Variants in ADAMTS5 observed in about 807,000 individuals in gnomAD.
ADAMTS5 encodes the protein A disintegrin and metalloproteinase with thrombospondin motifs 5.
ADAMTS5 carries 54 observed loss-of-function variants against 81.4 expected under a neutral mutation model. The ratio of observed to expected loss-of-function variants is 0.66; its 90% CI spans 0.53 to 0.83. ADAMTS5 has a LOEUF of 0.83. Among genes scored for constraint, ADAMTS5 ranks in the 40% least tolerant of loss-of-function variants. The probability of loss-of-function intolerance (pLI) is 0.00; values close to 1 mark genes in which losing one functional copy is unlikely to be tolerated. For missense variants in ADAMTS5, 1,194 were observed against 1,229.9 expected (o/e 0.97, Z 0.44); for synonymous variants, 532 against 508.8 (o/e 1.05, Z -0.61).
chr21:26,964,616 A>G (rs1987600453), intron 1 of ADAMTS5, among the ~76,000 whole-genome samples: 1 of 152,108 alleles, frequency 6.6e-6, no homozygotes, highest in Admixed American at 6.5e-5. Flanking sequence ...TTGTTAAGGA[A>G]CCTCACAAGT....
chr21:26,920,663 T>C lies in ADAMTS5; in HGVS notation c.*3390A>G, dbSNP rs901479476. On this transcript the variant is annotated 3_prime_UTR_variant, in exon 8 of 8. Transcript: ENST00000284987. ...TCGATGAAGTGAAAGGATCTGATTATTGGCTGTGTCTTAGCGTCTGTAGGA... is the reference window on the plus strand; with the variant it reads ...TCGATGAAGTGAAAGGATCTGATTACTGGCTGTGTCTTAGCGTCTGTAGGA... 1 of 152,138 alleles carries C rather than the reference T, an allele frequency of 6.6e-6. No homozygotes were observed. Among genetic ancestry groups the C allele is most frequent in the African/African-American group, 2.4e-5 (1 of 41,456 alleles). The allele number at this position is 152,138 out of a possible 1,614,324, so 9.4% of individuals were successfully genotyped here.
At chr21:26,937,361 T>C (rs1214892256) in intron 3 of ADAMTS5, among the ~76,000 whole-genome samples, 1 of 152,240 alleles carries the variant, frequency 6.6e-6, no homozygotes, top group Non-Finnish European at 1.5e-5. Context: ...AGGTCATACA[T>C]GTGGAGATGA....
chr21:26,940,898 T>C (rs1056858577), intron 3 of ADAMTS5, among the ~76,000 whole-genome samples: 1 of 152,154 alleles, frequency 6.6e-6, no homozygotes, highest in Non-Finnish European at 1.5e-5. Flanking sequence ...TACATTGACT[T>C]AAGTGAGCTT....
At chr21:26,943,944 A>G (rs1175725626) in intron 2 of ADAMTS5, among the ~76,000 whole-genome samples, 10 of 152,156 alleles carry the variant, frequency 6.6e-5, no homozygotes, top group Admixed American at 6.6e-4. Context: ...CATGAGATCA[A>G]AGTGCATTTG....
rs568938926 is a variant in ADAMTS5 at position 26,947,728 on chromosome 21, C to T, written c.1238-4181G>A. 4.7e-4 allele frequency among the ~76,000 whole-genome samples: 71 copies of T among 152,252 alleles called. 2 individuals carry two copies. The East Asian group carries it at 0.011, about 24-fold the overall frequency. On this transcript the variant is annotated intron_variant, in intron 2 of 7. Transcript: ENST00000284987. Reference sequence around the variant, plus strand: ...GGGATTACAGGTGTGAACCACTGCGCCCGATCAGAACTGTATTTCGCTGTT... The same window carrying T: ...GGGATTACAGGTGTGAACCACTGCGTCCGATCAGAACTGTATTTCGCTGTT...
Position 26,966,520 on chromosome 21 carries a change from A to C in ADAMTS5, c.-129T>G. On this transcript the variant is annotated 5_prime_UTR_variant, in exon 1 of 8. Transcript: ENST00000284987. ...CTTGCAGGATTGAGTCAAGTGTCGG[A>C]GGGAGGGGGGCCCGGCAGCAGCGCC... The C allele has an allele frequency of 1.2e-6, 1 of 868,946 alleles. No homozygotes were observed. Among genetic ancestry groups the C allele is most frequent in the Non-Finnish European group, 1.6e-6 (1 of 644,836 alleles). The allele number at this position is 868,946 out of a possible 1,614,324, so 53.8% of individuals were successfully genotyped here.
chr21:26,942,762 G>A (rs1036548548), intron 3 of ADAMTS5, among the ~76,000 whole-genome samples: 3 of 152,104 alleles, frequency 2.0e-5, no homozygotes. Flanking sequence ...TATATTTGAA[G>A]GATAAAGCCA....
In ADAMTS5 at chr21:26,966,484, A is replaced by C; in HGVS notation, c.-93T>G. On this transcript the variant is annotated 5_prime_UTR_variant, in exon 1 of 8. Coordinates refer to ENST00000284987, the MANE Select transcript of ADAMTS5 (RefSeq NM_007038.5). ...TTAACGGGGCGGGGGATGGGGACAC[A>C]CACACACTTGCTTGCAGGATTGAGT... 1.6e-6 allele frequency: 2 copies of C among 1,255,800 alleles called. No individual in the cohort carries two copies. The highest frequency in any genetic ancestry group is 2.1e-6 in the Non-Finnish European group (2 of 969,930). The allele number at this position is 1,255,800 out of a possible 1,614,324, so 77.8% of individuals were successfully genotyped here. A position where few individuals can be genotyped will look rare whatever the true frequency, so the allele number is the denominator to read the frequency against.
Position 26,965,877 on chromosome 21 carries a change from G to A in ADAMTS5, c.515C>T (p.Pro172Leu), listed in dbSNP as rs766001060. The A allele has an allele frequency of 8.7e-6, 14 of 1,613,804 alleles. No homozygotes were observed. The highest frequency in any genetic ancestry group is 1.6e-4 in the Middle Eastern group (1 of 6,062). ...GCGCCCCTTTTCTTCCTCCGCCCAGGGTCCGCGCAGCAGTGGCTTTAGGGT... is the reference window on the plus strand; with the variant it reads ...GCGCCCCTTTTCTTCCTCCGCCCAGAGTCCGCGCAGCAGTGGCTTTAGGGT... ...RYTLKPLLRG[P>L]WAEEEKGRVY... The change falls in exon 1 of 8, where the codon CCC becomes CTC. Residue 172 changes from proline to leucine, a missense_variant. Physicochemically the swap from Pro to Leu is moderately conservative, Grantham distance 98 (BLOSUM62 -3). Transcript: ENST00000284987.
rs1267929219 is a variant in ADAMTS5, at chr21:26,918,525, A to C, written c.*5528T>G. On this transcript the variant is annotated 3_prime_UTR_variant, in exon 8 of 8. Coordinates refer to ENST00000284987, the MANE Select transcript of ADAMTS5 (RefSeq NM_007038.5). ...TATGATTTCCTCTGACTAATAGGTC[A>C]TACAAATACGTAAGTAGTGTTTTTC... The C allele has an allele frequency of 6.6e-6, 1 of 152,106 alleles. No individual in the cohort carries two copies. The highest frequency in any genetic ancestry group is 1.5e-5 in the Non-Finnish European group (1 of 67,960). 9.4% of individuals were successfully genotyped at this position (152,106 alleles called of 1,614,324 possible). A position where few individuals can be genotyped will look rare whatever the true frequency, so the allele number is the denominator to read the frequency against.
chr21:26,963,561 T>A (rs922067855), intron 1 of ADAMTS5, among the ~76,000 whole-genome samples: 1 of 142,344 alleles, frequency 7.0e-6, no homozygotes, highest in Non-Finnish European at 1.5e-5. Flanking sequence ...CCTCCTTCCA[T>A]AAACTCTCCA....
Position 26,923,891 on chromosome 21 carries a change from C to A in ADAMTS5, c.*162G>T. On this transcript the variant is annotated 3_prime_UTR_variant, in exon 8 of 8. Transcript: ENST00000284987. ...CACTGTCACGTGAAGCAGTGCACAT[C>A]CTCTTTTGGTCACAGAGAGCAGATT... 1 of 703,958 alleles carries A rather than the reference C, an allele frequency of 1.4e-6. No homozygotes were observed. The highest frequency in any genetic ancestry group is 2.7e-5 in the East Asian group (1 of 36,420). The allele number at this position is 703,958 out of a possible 1,614,324, so 43.6% of individuals were successfully genotyped here.
chr21:26,942,812 T>A (rs1987138501), intron 3 of ADAMTS5, among the ~76,000 whole-genome samples: 1 of 152,204 alleles, frequency 6.6e-6, no homozygotes, highest in Non-Finnish European at 1.5e-5. Flanking sequence ...TTTCCCATCA[T>A]TCAGATTGCT....
chr21:26,941,022 T>A (rs1466879414), intron 3 of ADAMTS5, among the ~76,000 whole-genome samples: 2 of 152,188 alleles, frequency 1.3e-5, no homozygotes, highest in African/African-American at 2.4e-5. Flanking sequence ...TGAAACAAAG[T>A]AAGACAGACA....
chr21:26,952,814 C>T (rs542739943), intron 2 of ADAMTS5, among the ~76,000 whole-genome samples: 2 of 152,282 alleles, frequency 1.3e-5, no homozygotes, highest in African/African-American at 4.8e-5. Flanking sequence ...TGGGACTCCT[C>T]TCACTCTGAA....
intron 1 of ADAMTS5, among the ~76,000 whole-genome samples, chr21:26,956,009 A>G (rs1987419904): frequency 1.3e-5 from 2 of 152,306 alleles, no homozygotes; most frequent in Admixed American, 1.3e-4. Context: ...TATAGTAGGA[A>G]CTCAGCAAAC....
Position 26,930,058 on chromosome 21 carries a change from TC to T in ADAMTS5, c.2052del (p.Thr685ProfsTer20). The T allele has an allele frequency of 6.2e-7, 1 of 1,613,492 alleles. No individual in the cohort carries two copies. The highest frequency in any genetic ancestry group is 8.5e-7 in the Non-Finnish European group (1 of 1,179,580). ...TGYYVVFSPK[V>X]TDGTECRLYS... ...TACAGCCTACATTCAGTGCCATCGGTCACCTGAATCATGGCAAATGCATTAG... is the reference window on the plus strand; with the variant it reads ...TACAGCCTACATTCAGTGCCATCGGTACCTGAATCATGGCAAATGCATTAG... On this transcript the variant is annotated frameshift_variant and splice_region_variant, in exon 7 of 8. Coordinates refer to ENST00000284987, the MANE Select transcript of ADAMTS5 (RefSeq NM_007038.5). LOFTEE classifies it high-confidence loss of function.
At chr21:26,951,348 A>G (rs1298540332) in intron 2 of ADAMTS5, among the ~76,000 whole-genome samples, 1 of 152,108 alleles carries the variant, frequency 6.6e-6, no homozygotes. Context: ...TGCATAAAGG[A>G]AATTACACAT....
chr21:26,948,103 C>T (rs1269492673), intron 2 of ADAMTS5, among the ~76,000 whole-genome samples: 1 of 152,130 alleles, frequency 6.6e-6, no homozygotes, highest in Non-Finnish European at 1.5e-5. Flanking sequence ...GAACACCTTG[C>T]TTCATTAAAT....
Sources: allele counts gnomAD v4.1 joint callset (sites outside exome capture counted in the v4.1 genomes callset), GRCh38; gene constraint gnomAD v4.1.1; transcripts MANE v1.5; gene names NCBI Gene and HGNC (gene_info 2026-07-23, HGNC 2026-07-21).